ELMO1: variants seen among roughly 807,000 people sequenced by gnomAD.
ELMO1 encodes the protein engulfment and cell motility protein 1.
Under a neutral mutation model 98.9 loss-of-function variants are expected in ELMO1, and 26 were observed. That is an observed-to-expected ratio of 0.26 (90% confidence interval 0.19 to 0.36). The LOEUF (loss-of-function observed/expected upper bound fraction) is 0.36. Among genes scored for constraint, ELMO1 ranks in the 10% least tolerant of loss-of-function variants. The pLI is 1.00. For missense variants in ELMO1, 627 were observed against 935.2 expected (o/e 0.67, Z 4.30); for synonymous variants, 346 against 346.0 (o/e 1.00, Z 0.00).
At chr7:37,353,400 G>A in intron 1 of ELMO1, 2 of 157,488 alleles carry the variant, frequency 1.3e-5, no homozygotes, top group Non-Finnish European at 2.8e-5. Flanking sequence ...GAGTGATACC[G>A]CAGACTTTCA....
intron 14 of ELMO1, among the ~76,000 whole-genome samples, chr7:37,102,206 T>A (rs926378476): frequency 6.6e-6 from 1 of 151,798 alleles, no homozygotes; most frequent in African/African-American, 2.4e-5. Context: ...GACTCGGGAG[T>A]CACTTCTCCT....
chr7:37,096,621 AACT>A lies in ELMO1; in HGVS notation c.1295_1297del (p.Glu432_Leu433delinsVal), dbSNP rs1784376827. 3 of 1,613,976 alleles carry A rather than the reference AACT, an allele frequency of 1.9e-6. No individual in the cohort carries two copies. The highest frequency in any genetic ancestry group is 2.5e-6 in the Non-Finnish European group (3 of 1,179,874). On this transcript the variant is annotated inframe_deletion, in exon 15 of 22. Coordinates refer to ENST00000310758, the MANE Select transcript of ELMO1 (RefSeq NM_014800.11). ...ATGTGGGAAATAAGTATACTTACGCAACTCGCCCACTTTCAAGATCTCACATAG... is the reference window on the plus strand; with the variant it reads ...ATGTGGGAAATAAGTATACTTACGCACGCCCACTTTCAAGATCTCACATAG...
At chr7:37,375,493 C>T in intron 1 of ELMO1, 1 of 751,408 alleles carries the variant, frequency 1.3e-6, no homozygotes, top group Non-Finnish European at 2.3e-6. Flanking sequence ...ATGATTCAAG[C>T]CCCGGCCCCG....
At chr7:37,348,388 G>A (rs1178089948) in intron 1 of ELMO1, among the ~76,000 whole-genome samples, 1 of 152,060 alleles carries the variant, frequency 6.6e-6, no homozygotes, top group Non-Finnish European at 1.5e-5. Flanking sequence ...CAAATCCCAG[G>A]TGGTGGGTAA....
At chr7:37,020,989 T>G (rs181038231) in intron 15 of ELMO1, among the ~76,000 whole-genome samples, 1 of 152,354 alleles carries the variant, frequency 6.6e-6, no homozygotes, top group Admixed American at 6.5e-5. Context: ...ATAATATATT[T>G]ATGAATTCTC....
chr7:37,370,643 C>A (rs1468933862), intron 1 of ELMO1, among the ~76,000 whole-genome samples: 1 of 152,040 alleles, frequency 6.6e-6, no homozygotes, highest in African/African-American at 2.4e-5. Flanking sequence ...ACAAGAAGGT[C>A]AATAAACCTA....
intron 16 of ELMO1, 51 bp downstream of exon 16, chr7:37,013,248 G>T (rs368907585): frequency 1.2e-6 from 2 of 1,602,946 alleles, no homozygotes; most frequent in Admixed American, 1.7e-5. Flanking sequence ...CATGCAGCAG[G>T]CCCCTTTAGC....
chr7:37,003,365 GAAAGA>G (rs774619694), intron 16 of ELMO1, among the ~76,000 whole-genome samples: 9 of 152,094 alleles, frequency 5.9e-5, no homozygotes, highest in South Asian at 2.1e-4. Context: ...TCAAATACAA[GAAAGA>G]AAAGAAAAGA....
intron 15 of ELMO1, among the ~76,000 whole-genome samples, chr7:37,059,660 G>A (rs1255366501): frequency 6.6e-6 from 1 of 152,182 alleles, no homozygotes; most frequent in Admixed American, 6.5e-5. Context: ...TTGAAGTCAT[G>A]TGCAGGAGGC....
intron 15 of ELMO1, among the ~76,000 whole-genome samples, chr7:37,077,666 C>T (rs1483727965): frequency 2.0e-5 from 3 of 152,102 alleles, no homozygotes; most frequent in African/African-American, 7.2e-5. Context: ...AGGACGTGGC[C>T]GCTGGCTGAC....
chr7:37,323,083 C>T (rs1799607197), intron 2 of ELMO1, among the ~76,000 whole-genome samples: 1 of 152,158 alleles, frequency 6.6e-6, no homozygotes, highest in Non-Finnish European at 1.5e-5. Context: ...CCCCATTCCC[C>T]TTCCCAACAA....
chr7:37,163,640 A>G (rs1229961874), intron 13 of ELMO1, among the ~76,000 whole-genome samples: 1 of 151,966 alleles, frequency 6.6e-6, no homozygotes, highest in Non-Finnish European at 1.5e-5. Context: ...ATGATTTCCA[A>G]TTTCATCCAT....
At chr7:37,324,036 G>A (rs1282997727) in intron 2 of ELMO1, among the ~76,000 whole-genome samples, 2 of 152,108 alleles carry the variant, frequency 1.3e-5, no homozygotes, top group East Asian at 3.9e-4. Flanking sequence ...TGTTTATTTA[G>A]GAGATGGCCA....
intron 1 of ELMO1, among the ~76,000 whole-genome samples, chr7:37,360,264 C>A (rs1801650575): frequency 6.6e-6 from 1 of 152,092 alleles, no homozygotes; most frequent in South Asian, 2.1e-4. Context: ...AGAACAAGTA[C>A]TCAAAACTGA....
At chr7:36,890,646 A>G (rs1430119961) in intron 17 of ELMO1, among the ~76,000 whole-genome samples, 1 of 152,150 alleles carries the variant, frequency 6.6e-6, no homozygotes, top group Non-Finnish European at 1.5e-5. Context: ...TCAGTACACT[A>G]TAATCATTTC....
chr7:36,993,893 A>T (rs1015387381), intron 16 of ELMO1, among the ~76,000 whole-genome samples: 3 of 152,204 alleles, frequency 2.0e-5, no homozygotes, highest in Admixed American at 1.3e-4. Flanking sequence ...CGACGAAGCA[A>T]ATCTTTGAAA....
intron 2 of ELMO1, among the ~76,000 whole-genome samples, chr7:37,335,221 A>T (rs1449224698): frequency 6.6e-6 from 1 of 152,252 alleles, no homozygotes; most frequent in Non-Finnish European, 1.5e-5. Context: ...TAATGCGATC[A>T]GAAAAGGTTT....
intron 1 of ELMO1, among the ~76,000 whole-genome samples, chr7:37,358,993 C>A (rs1435020109): frequency 6.6e-6 from 1 of 152,198 alleles, no homozygotes; most frequent in African/African-American, 2.4e-5. Context: ...CAGGGAGAAG[C>A]TGGAGTCATT....
chr7:36,858,661 AAGAAGAGTC>A (rs1014852134), intron 21 of ELMO1, among the ~76,000 whole-genome samples: 27 of 149,154 alleles, frequency 1.8e-4, no homozygotes, highest in Admixed American at 1.6e-3. Context: ...AAGGAAACAG[AAGAAGAGTC>A]AGAGTCAGAG....
Sources: gnomAD v4.1 joint callset for allele counts (sites outside exome capture counted in the v4.1 genomes callset) on GRCh38, gnomAD v4.1.1 for gene constraint, MANE v1.5 for transcripts, NCBI Gene and HGNC (gene_info 2026-07-23, HGNC 2026-07-21) for gene names.